Variants in PTPRR observed in about 807,000 individuals in gnomAD.
PTPRR encodes the protein receptor-type tyrosine-protein phosphatase R.
PTPRR carries 38 observed loss-of-function variants against 77.2 expected under a neutral mutation model. That is an observed-to-expected ratio of 0.49 (90% CI 0.38 to 0.65). PTPRR has a LOEUF of 0.65. PTPRR is among the 30% of genes least tolerant of loss of function. The probability of loss-of-function intolerance (pLI) is 0.00; values close to 1 mark genes in which losing one functional copy is unlikely to be tolerated. For missense variants in PTPRR, 744 were observed against 799.2 expected (o/e 0.93, Z 0.83); for synonymous variants, 299 against 283.1 (o/e 1.06, Z -0.57).
At chr12:70,858,775 A>G (rs1892696675) in intron 2 of PTPRR, among the ~76,000 whole-genome samples, 2 of 152,012 alleles carry the variant, frequency 1.3e-5, no homozygotes, top group Non-Finnish European at 1.5e-5. Flanking sequence ...AAGGCTACTC[A>G]ATGTTGCTGG....
chr12:70,871,869 C>T (rs1435836238), intron 2 of PTPRR, among the ~76,000 whole-genome samples: 1 of 152,096 alleles, frequency 6.6e-6, no homozygotes, highest in East Asian at 1.9e-4. Context: ...CAGGGAAACT[C>T]TTATCACCTC....
intron 11 of PTPRR, 136 bp downstream of exon 11, chr12:70,662,359 G>A: frequency 1.9e-6 from 1 of 524,436 alleles, no homozygotes; most frequent in Non-Finnish European, 3.3e-6. Flanking sequence ...ATGAGGGAAT[G>A]ATTATAGTTT....
At chr12:70,752,116 T>A (rs1890419414) in intron 5 of PTPRR, among the ~76,000 whole-genome samples, 1 of 152,170 alleles carries the variant, frequency 6.6e-6, no homozygotes, top group South Asian at 2.1e-4. Flanking sequence ...TAAAATTAAC[T>A]TAATTATTTT....
intron 1 of PTPRR, among the ~76,000 whole-genome samples, chr12:70,904,245 C>G (rs997558289): frequency 5.9e-5 from 9 of 151,886 alleles, no homozygotes; most frequent in Admixed American, 5.9e-4. Flanking sequence ...TATATTCCCA[C>G]AAATGTCTGT....
At chr12:70,673,079 T>C in intron 10 of PTPRR, 1 of 1,102,362 alleles carries the variant, frequency 9.1e-7, no homozygotes, top group Non-Finnish European at 1.2e-6. Context: ...ATATTTGACT[T>C]ATACAGCAGT....
rs778967187 is a variant in PTPRR at position 70,761,560 on chromosome 12, G to A, written c.538C>T (p.Leu180=). The A allele has an allele frequency of 6.2e-7, 1 of 1,612,250 alleles. No individual in the cohort carries two copies. The highest frequency in any genetic ancestry group is 1.1e-5 in the South Asian group (1 of 90,844). ...GAACGAAGAACTTCCTCAGAGGGCA[G>A]AGCATCAGAAATTCCTGTTTTTCGG... is the stretch of plus-strand genomic sequence containing the variant. ...INRKTGISDA[L]PSEEVLRSLN... is the part of the protein sequence containing the mutation. Residue 180 remains leucine (L), a synonymous_variant, in exon 4 of 14, where the codon CTG becomes TTG. Coordinates refer to ENST00000283228, the MANE Select transcript of PTPRR (RefSeq NM_002849.4).
chr12:70,701,184 G>A lies in PTPRR; in HGVS notation c.1147C>T (p.Leu383=), dbSNP rs758002189. 1.1e-5 allele frequency: 18 copies of A among 1,613,962 alleles called. No homozygotes were observed. The highest frequency in any genetic ancestry group is 1.3e-5 in the Non-Finnish European group (15 of 1,179,936). ...TGTGAACTTGCCACGACGTCCCTCA[G>A]CTGAGACCTTGTGAGAATTCGGCTG... The part of the protein sequence containing the change: ...SASRILTRSQ[L]RDVVASSHLL... The change falls in exon 7 of 14, where the codon CTG becomes TTG. Residue 383 remains leucine, a synonymous_variant. Transcript: ENST00000283228.
chr12:70,872,692 C>A (rs1429037662), intron 2 of PTPRR, among the ~76,000 whole-genome samples: 1 of 48,822 alleles, frequency 2.0e-5, no homozygotes, highest in Non-Finnish European at 3.7e-5. Context: ...GAGACTCTGT[C>A]TCAAAAAAAA....
At chr12:70,858,555 T>G (rs1892692588) in intron 2 of PTPRR, among the ~76,000 whole-genome samples, 1 of 148,588 alleles carries the variant, frequency 6.7e-6, no homozygotes, top group Non-Finnish European at 1.5e-5. Flanking sequence ...GGTTTCCTAT[T>G]AGAGTTTGGG....
chr12:70,888,177 G>A (rs1893274298), intron 2 of PTPRR, among the ~76,000 whole-genome samples: 1 of 152,122 alleles, frequency 6.6e-6, no homozygotes, highest in South Asian at 2.1e-4. Flanking sequence ...AGAGATAATA[G>A]TTTTGTTGTT....
chr12:70,680,324 G>C (rs1049626623), intron 10 of PTPRR, among the ~76,000 whole-genome samples: 2 of 152,018 alleles, frequency 1.3e-5, no homozygotes, highest in Non-Finnish European at 2.9e-5. Context: ...TTGTATCCCT[G>C]TATTGATATT....
At chr12:70,809,070 C>T (rs1858312352) in intron 2 of PTPRR, among the ~76,000 whole-genome samples, 1 of 152,190 alleles carries the variant, frequency 6.6e-6, no homozygotes, top group South Asian at 2.1e-4. Flanking sequence ...GGAAAAACTA[C>T]TCATTTCTGC....
rs369017982 is a variant in PTPRR, at chr12:70,748,734, T to C, written c.739-2648A>G. 9.8e-5 allele frequency among the ~76,000 whole-genome samples: 15 copies of C among 152,310 alleles called. No homozygotes were observed. The East Asian group carries it at 2.1e-3, about 22-fold the overall frequency. ...ATCTCATGAGTAACACAAAACATTC[T>C]GTCAAATGTGTTCAGATTTCAAAAC... On this transcript the variant is annotated intron_variant, in intron 5 of 13. Transcript: ENST00000283228.
chr12:70,890,713 C>T (rs1042870663), intron 2 of PTPRR, among the ~76,000 whole-genome samples: 4 of 151,994 alleles, frequency 2.6e-5, no homozygotes, highest in African/African-American at 4.8e-5. Context: ...CTGCAATATC[C>T]CTCAAACAAG....
At chr12:70,877,843 C>G (rs1170999212) in intron 2 of PTPRR, among the ~76,000 whole-genome samples, 1 of 152,128 alleles carries the variant, frequency 6.6e-6, no homozygotes, top group Non-Finnish European at 1.5e-5. Context: ...TACCTGACTT[C>G]AAACTATACT....
At chr12:70,652,700 C>T (rs1013291473) in intron 13 of PTPRR, among the ~76,000 whole-genome samples, 11 of 152,026 alleles carry the variant, frequency 7.2e-5, no homozygotes, top group Admixed American at 1.3e-4. Flanking sequence ...TTGGTGGTGA[C>T]GGAAGGCCAA....
At chr12:70,815,874 C>T (rs540654178) in intron 2 of PTPRR, among the ~76,000 whole-genome samples, 3 of 152,166 alleles carry the variant, frequency 2.0e-5, no homozygotes, top group Admixed American at 6.5e-5. Flanking sequence ...ATCTAGTTAA[C>T]TTCCAAGTGC....
chr12:70,891,443 T>TTCA (rs1174893722), intron 2 of PTPRR, among the ~76,000 whole-genome samples: 109 of 152,252 alleles, frequency 7.2e-4, no homozygotes, highest in African/African-American at 2.5e-3. Context: ...ACAGAGTACA[T>TTCA]GACTTTCACC....
intron 13 of PTPRR, among the ~76,000 whole-genome samples, chr12:70,652,839 G>A (rs955369134): frequency 3.3e-5 from 5 of 152,312 alleles, no homozygotes; most frequent in Admixed American, 3.3e-4. Flanking sequence ...CCTGAAAGGG[G>A]AATGTGACTG....
Sources: gnomAD v4.1 joint callset for allele counts (sites outside exome capture counted in the v4.1 genomes callset) on GRCh38, gnomAD v4.1.1 for gene constraint, MANE v1.5 for transcripts, NCBI Gene and HGNC (gene_info 2026-07-23, HGNC 2026-07-21) for gene names.